The following DEPDC5 variants were observed in gnomAD, a reference collection of about 807,000 sequenced individuals.
The protein encoded by DEPDC5 is GATOR1 complex protein DEPDC5.
Under a neutral mutation model 217.3 loss-of-function variants are expected in DEPDC5, and 73 were observed. That is an observed-to-expected ratio of 0.34 (90% confidence interval 0.28 to 0.41). The LOEUF is 0.41. DEPDC5 is among the 10% of genes least tolerant of loss of function. The pLI is 1.00. For synonymous variants in DEPDC5, 733 were observed against 756.7 expected (o/e 0.97, Z 0.51); for missense variants, 1,675 against 2,070.1 (o/e 0.81, Z 3.70).
intron 38 of DEPDC5, among the ~76,000 whole-genome samples, chr22:31,887,082 C>CG (rs2093334146): frequency 8.9e-6 from 1 of 112,362 alleles, no homozygotes; most frequent in Non-Finnish European, 1.8e-5. Flanking sequence ...GATTCCATCT[C>CG]GAAAAAAAAA....
At chr22:31,861,518 A>T in intron 33 of DEPDC5, 85 bp downstream of exon 33, 1 of 1,395,320 alleles carries the variant, frequency 7.2e-7, no homozygotes, top group Non-Finnish European at 9.9e-7. Context: ...AACACATGGA[A>T]TTGGGCTGCA....
intron 33 of DEPDC5, among the ~76,000 whole-genome samples, chr22:31,863,927 A>G (rs1258465556): frequency 6.6e-5 from 10 of 152,014 alleles, no homozygotes; most frequent in East Asian, 3.9e-4. Flanking sequence ...CATCTGAAAA[A>G]AAACAAAAAA....
intron 31 of DEPDC5, among the ~76,000 whole-genome samples, chr22:31,856,767 G>A (rs1000144071): frequency 6.6e-6 from 1 of 151,904 alleles, no homozygotes; most frequent in Non-Finnish European, 1.5e-5. Flanking sequence ...GCATGTTAAT[G>A]CAGTTTTTTG....
chr22:31,813,870 C>A (rs1050002455), intron 20 of DEPDC5: 10 of 152,172 alleles, frequency 6.6e-5, no homozygotes, highest in Admixed American at 5.2e-4. Context: ...CAGTGGCTCA[C>A]ACCTGTAATC....
intron 40 of DEPDC5, among the ~76,000 whole-genome samples, chr22:31,899,462 C>T (rs1338320087): frequency 6.6e-6 from 1 of 152,034 alleles, no homozygotes; most frequent in Non-Finnish European, 1.5e-5. Flanking sequence ...GATGTCCTCT[C>T]ACTGCAACCT....
intron 20 of DEPDC5, chr22:31,814,782 G>A (rs1043743972): frequency 1.7e-6 from 1 of 585,862 alleles, no homozygotes. Context: ...GACTTTGGCT[G>A]CATAATGTCT....
At chr22:31,756,364 A>G (rs1455868589) in intron 2 of DEPDC5, among the ~76,000 whole-genome samples, 1 of 152,208 alleles carries the variant, frequency 6.6e-6, no homozygotes, top group Non-Finnish European at 1.5e-5. Context: ...TGTGCTCAAT[A>G]AATGTAGCCA....
At chr22:31,905,881 CTCTGTGTCT>C in intron 41 of DEPDC5, 94 bp from the exon 42 acceptor site, 2 of 1,010,980 alleles carry the variant, frequency 2.0e-6, no homozygotes, top group South Asian at 3.1e-5. Context: ...CTTTCCAGAT[CTCTGTGTCT>C]CAGGCTGTCC....
At chr22:31,827,637 C>CAA (rs1569031269) in intron 24 of DEPDC5, among the ~76,000 whole-genome samples, 1 of 152,188 alleles carries the variant, frequency 6.6e-6, no homozygotes, top group Non-Finnish European at 1.5e-5. Flanking sequence ...AAAGCCAAGG[C>CAA]ATTATGGTGG....
rs541155515 is a variant in DEPDC5, at chr22:31,850,051, G to A, written c.3155+3084G>A. ...CGAGAATAGCTTGAACTCAGGAGGC[G>A]GAGGTTGCAGTGAGCCGAGATTGTG... On this transcript the variant is annotated intron_variant, in intron 31 of 42. Coordinates refer to ENST00000651528, the MANE Select transcript of DEPDC5 (RefSeq NM_001242896.3). Among the ~76,000 whole-genome samples the A allele has an allele frequency of 1.6e-3, 241 of 152,140 alleles. 1 individual carries two copies. In the South Asian group the frequency reaches 0.016, roughly 10 times the overall value.
chr22:31,814,276 A>G (rs1334601108), intron 20 of DEPDC5: 1 of 152,214 alleles, frequency 6.6e-6, no homozygotes, highest in African/African-American at 2.4e-5. Flanking sequence ...TGATTAGTAT[A>G]TGTTTCAACA....
intron 41 of DEPDC5, among the ~76,000 whole-genome samples, chr22:31,902,049 T>C (rs1452608831): frequency 6.6e-6 from 1 of 152,132 alleles, no homozygotes; most frequent in Non-Finnish European, 1.5e-5. Flanking sequence ...GTGGAGAACA[T>C]AGAACTCTCT....
At chr22:31,783,188 G>A (rs2084631799) in intron 8 of DEPDC5, among the ~76,000 whole-genome samples, 2 of 152,304 alleles carry the variant, frequency 1.3e-5, no homozygotes, top group Non-Finnish European at 2.9e-5. Flanking sequence ...GGACATGGGT[G>A]TGGACAAATA....
rs1314151074 is a variant in DEPDC5 at position 31,888,102 on chromosome 22, G to A, written c.4034-5480G>A. On this transcript the variant is annotated intron_variant, in intron 38 of 42. Coordinates refer to ENST00000651528, the MANE Select transcript of DEPDC5 (RefSeq NM_001242896.3). The stretch of plus-strand genomic sequence containing the variant: ...ACCTTCTCTGGCTTGGCTCATGGGG[G>A]CTCCCACTTTCTCATTGCAGTCACC... 3.9e-5 allele frequency among the ~76,000 whole-genome samples: 6 copies of A among 152,006 alleles called. 1 individual carries two copies. Among genetic ancestry groups the A allele is most frequent in the Admixed American group, 2.0e-4 (3 of 15,248 alleles).
In DEPDC5 at chr22:31,907,918, G is replaced by A. The variant is rs2093776035; in HGVS notation, c.*1421G>A. 1 of 152,262 alleles carries A rather than the reference G, an allele frequency of 6.6e-6. No individual in the cohort carries two copies. Among genetic ancestry groups the A allele is most frequent in the Admixed American group, 6.5e-5 (1 of 15,280 alleles). 9.4% of individuals were successfully genotyped at this position (152,262 alleles called of 1,614,324 possible). A position where few individuals can be genotyped will look rare whatever the true frequency, so the allele number is the denominator to read the frequency against. ...TTCCCAGGCCCTGAGCTGCCACTCAGTCCAGCCTTCCTTTGTCTTTCTCTT... is the reference window on the plus strand; with the variant it reads ...TTCCCAGGCCCTGAGCTGCCACTCAATCCAGCCTTCCTTTGTCTTTCTCTT... On this transcript the variant is annotated 3_prime_UTR_variant, in exon 43 of 43. Transcript: ENST00000651528.
At chr22:31,894,287 A>G (rs1485263810) in intron 39 of DEPDC5, 2 of 151,766 alleles carry the variant, frequency 1.3e-5, no homozygotes, top group Non-Finnish European at 2.9e-5. Context: ...CAGAGATGGT[A>G]GCATTGGATA....
intron 20 of DEPDC5, chr22:31,814,669 A>G (rs1174499944): frequency 6.1e-6 from 2 of 325,384 alleles, no homozygotes; most frequent in Non-Finnish European, 1.2e-5. Context: ...CCCACATCAC[A>G]TCATACCTCT....
rs573605053 is a variant in DEPDC5 at position 31,802,653 on chromosome 22, G to C, written c.947-51G>C. 4.8e-6 allele frequency: 7 copies of C among 1,465,708 alleles called. No homozygotes were observed. The East Asian group carries it at 1.8e-4, about 37-fold the overall frequency. The allele number at this position is 1,465,708 out of a possible 1,614,324, so 90.8% of individuals were successfully genotyped here. On this transcript the variant is annotated intron_variant, in intron 14 of 42. Transcript: ENST00000651528. ...TGTAGAGATGCTTGTCTGTGACAGG[G>C]TTCTGAAAAGCTGTAACATCATTAT...
intron 32 of DEPDC5, 137 bp from the exon 33 acceptor site, chr22:31,861,231 C>G: frequency 1.5e-4 from 69 of 465,456 alleles, no homozygotes; most frequent in Middle Eastern, 3.2e-4. Flanking sequence ...TTGTTTCTCT[C>G]CTTCCCTCCT....
Sources: gnomAD v4.1 joint callset for allele counts (sites outside exome capture counted in the v4.1 genomes callset) on GRCh38, gnomAD v4.1.1 for gene constraint, MANE v1.5 for transcripts, NCBI Gene and HGNC (gene_info 2026-07-23, HGNC 2026-07-21) for gene names.